The following FAM135B variants were observed in gnomAD, a reference collection of about 807,000 sequenced individuals.
FAM135B encodes the protein family with sequence similarity 135 member B, also known as protein FAM135B.
In FAM135B, 43 loss-of-function variants were observed where a neutral mutation model predicts 127.7. The observed-to-expected ratio is 0.34, with a 90% CI of 0.26 to 0.43. The LOEUF (loss-of-function observed/expected upper bound fraction) is 0.43. Ranked by LOEUF, FAM135B falls within the 20% of genes least tolerant of loss-of-function variation. The pLI is 1.00. For synonymous variants in FAM135B, 670 were observed against 665.1 expected, an observed-to-expected ratio of 1.01 and a Z score of -0.11; for missense variants, 1,558 against 1,725.6, an observed-to-expected ratio of 0.90 and a Z score of 1.72.
Position 138,379,441 on chromosome 8 carries a change from CTAA to C in FAM135B, c.-19-11442_-19-11440del, listed in dbSNP as rs372542984. ...GTGTATAATGCTAATATTAGAATAA[CTAA>C]TAATAACAATAAAACATCTGTATGT... On this transcript the variant is annotated intron_variant, in intron 1 of 19. Transcript: ENST00000395297. 2.0e-4 allele frequency among the ~76,000 whole-genome samples: 30 copies of C among 151,970 alleles called. No individual in the cohort carries two copies. In the East Asian group the frequency reaches 5.0e-3, roughly 26 times the overall value.
At chr8:138,396,811 G>A (rs554072151) in intron 1 of FAM135B, among the ~76,000 whole-genome samples, 1 of 152,210 alleles carries the variant, frequency 6.6e-6, no homozygotes, top group East Asian at 1.9e-4. Context: ...GTGTGGCTTT[G>A]CAAATAAGGA....
intron 2 of FAM135B, among the ~76,000 whole-genome samples, chr8:138,330,624 A>G (rs139386708): frequency 6.6e-6 from 1 of 152,218 alleles, no homozygotes; most frequent in African/African-American, 2.4e-5. Flanking sequence ...TTATTAATGA[A>G]GGAAGTCAAC....
intron 12 of FAM135B, among the ~76,000 whole-genome samples, chr8:138,156,043 G>A (rs551878259): frequency 6.6e-6 from 1 of 152,106 alleles, no homozygotes; most frequent in Admixed American, 6.5e-5. Context: ...CAAATAGATG[G>A]AAGTAAAGCA....
chr8:138,427,328 C>G (rs1271266382), intron 1 of FAM135B, among the ~76,000 whole-genome samples: 1 of 150,476 alleles, frequency 6.6e-6, no homozygotes, highest in Non-Finnish European at 1.5e-5. Flanking sequence ...TATATGCATT[C>G]TACAAATGTA....
At chr8:138,372,694 C>T (rs753408017) in intron 1 of FAM135B, among the ~76,000 whole-genome samples, 7 of 152,220 alleles carry the variant, frequency 4.6e-5, no homozygotes, top group African/African-American at 1.2e-4. Context: ...CCTTTCAATA[C>T]GCGCAGACTA....
chr8:138,314,981 T>C (rs1826973410), intron 2 of FAM135B, among the ~76,000 whole-genome samples: 1 of 149,138 alleles, frequency 6.7e-6, no homozygotes, highest in Non-Finnish European at 1.5e-5. Flanking sequence ...TAAACAGCTA[T>C]AATACAATCT....
intron 2 of FAM135B, among the ~76,000 whole-genome samples, chr8:138,317,078 C>G (rs900417105): frequency 1.3e-5 from 2 of 151,530 alleles, no homozygotes; most frequent in African/African-American, 4.8e-5. Context: ...TATGCAAGAA[C>G]TTGTTCAAAA....
rs557719866 is a variant in FAM135B at position 138,278,553 on chromosome 8, A to ATT, written c.158-12713_158-12712dup. Among the ~76,000 whole-genome samples, 46 of 60,530 alleles carry ATT rather than the reference A, an allele frequency of 7.6e-4. 3 individuals are homozygous for ATT. The highest frequency in any genetic ancestry group is 2.5e-3 in the African/African-American group (39 of 15,338). 39.7% of individuals were successfully genotyped at this position (60,530 alleles called of 152,430 possible). On this transcript the variant is annotated intron_variant, in intron 3 of 19. Transcript: ENST00000395297. ...TAATTTTTCCTATTATAAGAACATG[A>ATT]TTTTTTTTTTTTTTTTTTTTTTTTT... is the stretch of plus-strand genomic sequence containing the variant.
At chr8:138,166,890 T>G (rs1819979599) in intron 12 of FAM135B, among the ~76,000 whole-genome samples, 1 of 152,112 alleles carries the variant, frequency 6.6e-6, no homozygotes, top group African/African-American at 2.4e-5. Flanking sequence ...GGTAGCTCGC[T>G]GAGTGCTTCC....
At chr8:138,322,295 G>T (rs1376032480) in intron 2 of FAM135B, among the ~76,000 whole-genome samples, 3 of 152,188 alleles carry the variant, frequency 2.0e-5, no homozygotes, top group Admixed American at 1.3e-4. Context: ...GACAAGTGTG[G>T]TGCCTACTTA....
At chr8:138,157,099 C>T (rs10441653) in intron 12 of FAM135B, among the ~76,000 whole-genome samples, 18,311 of 152,156 alleles carry the variant, frequency 0.12, 1,280 homozygotes, top group East Asian at 0.23. Context: ...TTATCCACCA[C>T]GATCAAGTTG....
intron 3 of FAM135B, among the ~76,000 whole-genome samples, chr8:138,281,802 T>G (rs1340529693): frequency 1.3e-5 from 2 of 152,188 alleles, no homozygotes; most frequent in African/African-American, 2.4e-5. Context: ...ATTATCTTCC[T>G]TTTTAAAAAA....
intron 7 of FAM135B, among the ~76,000 whole-genome samples, chr8:138,237,044 G>A (rs748355715): frequency 1.7e-4 from 26 of 152,108 alleles, no homozygotes; most frequent in African/African-American, 5.3e-4. Flanking sequence ...CCATTCCTCC[G>A]TCGGATGACG....
At chr8:138,188,736 C>T (rs932595725) in intron 9 of FAM135B, among the ~76,000 whole-genome samples, 9 of 152,180 alleles carry the variant, frequency 5.9e-5, no homozygotes, top group Admixed American at 4.6e-4. Flanking sequence ...TTGCACCTCA[C>T]GCCTTGCTGC....
chr8:138,427,338 A>G, intron 1 of FAM135B, among the ~76,000 whole-genome samples: 1 of 151,374 alleles, frequency 6.6e-6, no homozygotes, highest in Non-Finnish European at 1.5e-5. Context: ...CTACAAATGT[A>G]TATTTTAATA....
intron 1 of FAM135B, among the ~76,000 whole-genome samples, chr8:138,433,493 C>A (rs2131515116): frequency 6.6e-6 from 1 of 151,464 alleles, no homozygotes; most frequent in East Asian, 2.0e-4. Context: ...ACTGCCCTCC[C>A]AGCCTGGATG....
chr8:138,164,161 A>C (rs1251121669), intron 12 of FAM135B, among the ~76,000 whole-genome samples: 1 of 152,144 alleles, frequency 6.6e-6, no homozygotes, highest in East Asian at 1.9e-4. Flanking sequence ...CATGCTTTTG[A>C]TCTGGGGTTA....
intron 7 of FAM135B, among the ~76,000 whole-genome samples, chr8:138,234,955 T>A (rs887125800): frequency 6.6e-6 from 1 of 152,228 alleles, no homozygotes; most frequent in Admixed American, 6.5e-5. Flanking sequence ...TAGGCCTCCT[T>A]CATCCATAAA....
intron 4 of FAM135B, among the ~76,000 whole-genome samples, chr8:138,264,752 G>T (rs1822788707): frequency 6.6e-6 from 1 of 152,072 alleles, no homozygotes; most frequent in Non-Finnish European, 1.5e-5. Flanking sequence ...GAGGAATCTG[G>T]TCACTACCTA....
Sources: gnomAD v4.1 joint callset for allele counts (sites outside exome capture counted in the v4.1 genomes callset) on GRCh38, gnomAD v4.1.1 for gene constraint, MANE v1.5 for transcripts, NCBI Gene and HGNC (gene_info 2026-07-23, HGNC 2026-07-21) for gene names.